Variants in PAPPA2 observed in about 807,000 individuals in gnomAD.
The protein encoded by PAPPA2 is pappalysin 2, also known as pappalysin-2.
A neutral mutation model predicts 176.4 loss-of-function variants in PAPPA2; 86 were observed. The ratio of observed to expected loss-of-function variants is 0.49; its 90% confidence interval spans 0.41 to 0.58. PAPPA2 has a LOEUF of 0.58. Ranked by LOEUF, PAPPA2 falls within the 20% of genes least tolerant of loss-of-function variation. PAPPA2 has a pLI of 0.00. For missense variants in PAPPA2, 2,073 were observed against 2,256.9 expected, an observed-to-expected ratio of 0.92 and a Z score of 1.65; for synonymous variants, 809 against 852.2, an observed-to-expected ratio of 0.95 and a Z score of 0.88.
At chr1:176,679,546 G>A (rs1005402625) in intron 4 of PAPPA2, among the ~76,000 whole-genome samples, 2 of 152,156 alleles carry the variant, frequency 1.3e-5, no homozygotes, top group Admixed American at 6.6e-5. Context: ...AATTCAATAA[G>A]CATAGGAGAC....
chr1:176,828,042 T>C (rs1292020877), intron 21 of PAPPA2, among the ~76,000 whole-genome samples: 1 of 151,966 alleles, frequency 6.6e-6, no homozygotes, highest in Non-Finnish European at 1.5e-5. Context: ...TACCAAGCAG[T>C]AGAGTGAGGC....
At chr1:176,599,348 G>A (rs1654171185) in intron 3 of PAPPA2, among the ~76,000 whole-genome samples, 1 of 151,904 alleles carries the variant, frequency 6.6e-6, no homozygotes, top group African/African-American at 2.4e-5. Flanking sequence ...GGACACTTAT[G>A]CCCCTGGTCT....
intron 3 of PAPPA2, among the ~76,000 whole-genome samples, chr1:176,606,181 T>A (rs1558468399): frequency 6.6e-6 from 1 of 152,094 alleles, no homozygotes. Flanking sequence ...TTTGATTATA[T>A]GTATTTTATA....
In PAPPA2 at chr1:176,840,106, G is replaced by A. The variant is rs569925923; in HGVS notation, c.5203-67G>A. ...CTGTATGGATTACGCTGGGATGGGA[G>A]GAGTGGCAGAGTCAAACAAGACATA... On this transcript the variant is annotated intron_variant, in intron 21 of 22. Coordinates refer to ENST00000367662, the MANE Select transcript of PAPPA2 (RefSeq NM_020318.3). 8.6e-5 allele frequency: 108 copies of A among 1,251,196 alleles called. No homozygotes were observed. In the African/African-American group the frequency reaches 1.4e-3, roughly 17 times the overall value. 77.5% of individuals were successfully genotyped at this position (1,251,196 alleles called of 1,614,324 possible). A position where few individuals can be genotyped will look rare whatever the true frequency, so the allele number is the denominator to read the frequency against.
intron 2 of PAPPA2, among the ~76,000 whole-genome samples, chr1:176,583,852 T>G (rs1653128238): frequency 6.6e-6 from 1 of 152,152 alleles, no homozygotes; most frequent in African/African-American, 2.4e-5. Flanking sequence ...CCCAAGAGTT[T>G]GAGACCAGCC....
At chr1:176,761,537 GA>G (rs1247295375) in intron 14 of PAPPA2, among the ~76,000 whole-genome samples, 1 of 152,192 alleles carries the variant, frequency 6.6e-6, no homozygotes, top group African/African-American at 2.4e-5. Flanking sequence ...ATTTAAAAGA[GA>G]ACTGCTCAAA....
chr1:176,765,748 A>G lies in PAPPA2; in HGVS notation c.4234A>G (p.Ile1412Val), dbSNP rs1663935192. ...TGCTGATGTGGTGAACTGTACCTCT[A>G]TAGGCCCAGGTCTCATGAAGTGTGC... ...DHADVVNCTS[I>V]GPGLMKCAIT... The change falls in exon 15 of 23, where the codon ATA becomes GTA. Residue 1412 changes from isoleucine to valine, a missense_variant. This residue lies in a region of PAPPA2 where 846 missense variants were observed against 857.9 expected (regional missense o/e 0.99). Coordinates refer to ENST00000367662, the MANE Select transcript of PAPPA2 (RefSeq NM_020318.3). 3.1e-6 allele frequency: 5 copies of G among 1,614,126 alleles called. No individual in the cohort carries two copies. The highest frequency in any genetic ancestry group is 1.6e-4 in the Middle Eastern group (1 of 6,062).
chr1:176,819,830 T>A (rs1356058660), intron 21 of PAPPA2, among the ~76,000 whole-genome samples: 16 of 152,224 alleles, frequency 1.1e-4, no homozygotes, highest in African/African-American at 3.6e-4. Context: ...GCACTTTCAG[T>A]GCAGTCCAGC....
intron 21 of PAPPA2, among the ~76,000 whole-genome samples, chr1:176,809,850 A>ACC (rs1666066666): frequency 6.6e-6 from 1 of 151,930 alleles, no homozygotes; most frequent in African/African-American, 2.4e-5. Flanking sequence ...TTGCCCGAGG[A>ACC]ATAGTGGCAA....
At chr1:176,590,868 C>G (rs986577439) in intron 2 of PAPPA2, among the ~76,000 whole-genome samples, 1 of 152,048 alleles carries the variant, frequency 6.6e-6, no homozygotes. Context: ...TATCTTGGTT[C>G]TAGTGCACTC....
intron 12 of PAPPA2, among the ~76,000 whole-genome samples, chr1:176,733,607 C>T (rs1042356877): frequency 7.9e-5 from 12 of 152,106 alleles, no homozygotes; most frequent in South Asian, 2.1e-4. Flanking sequence ...TTTTTATCCA[C>T]GATAGAATCC....
At chr1:176,634,830 ATAG>A (rs1656578351) in intron 3 of PAPPA2, among the ~76,000 whole-genome samples, 2 of 143,406 alleles carry the variant, frequency 1.4e-5, no homozygotes, top group Non-Finnish European at 3.1e-5. Context: ...AGATAGATAG[ATAG>A]ATAGATAGAT....
chr1:176,710,187 C>A lies in PAPPA2; in HGVS notation c.3651+11C>A. 6 of 1,611,488 alleles carry A rather than the reference C, an allele frequency of 3.7e-6. No individual in the cohort carries two copies. The highest frequency in any genetic ancestry group is 5.1e-6 in the Non-Finnish European group (6 of 1,178,536). On this transcript the variant is annotated intron_variant, in intron 11 of 22. Transcript: ENST00000367662. ...GAACCTCATTCCCTAGTAAGTTAAGCCAGATGAATAGAGTCGAGCCTGCGC... is the reference window on the plus strand; with the variant it reads ...GAACCTCATTCCCTAGTAAGTTAAGACAGATGAATAGAGTCGAGCCTGCGC...
chr1:176,508,849 C>T (rs1254803263), intron 1 of PAPPA2, among the ~76,000 whole-genome samples: 2 of 152,056 alleles, frequency 1.3e-5, no homozygotes, highest in Non-Finnish European at 2.9e-5. Flanking sequence ...CCTTGCTTCC[C>T]CATCATCTTC....
chr1:176,553,462 G>T (rs763329244), intron 1 of PAPPA2: 2 of 152,090 alleles, frequency 1.3e-5, no homozygotes, highest in Non-Finnish European at 2.9e-5. Flanking sequence ...GTTACAACAG[G>T]AGGAAAACAC....
intron 2 of PAPPA2, among the ~76,000 whole-genome samples, chr1:176,576,113 A>G (rs1162184317): frequency 6.7e-6 from 1 of 148,906 alleles, no homozygotes; most frequent in Non-Finnish European, 1.5e-5. Flanking sequence ...GTGAAATTAC[A>G]GGGCTGGAGC....
chr1:176,493,268 C>T (rs1450194082), intron 1 of PAPPA2, among the ~76,000 whole-genome samples: 1 of 152,206 alleles, frequency 6.6e-6, no homozygotes, highest in Non-Finnish European at 1.5e-5. Context: ...ATCTGATTTT[C>T]AAGGGCAATC....
intron 1 of PAPPA2, among the ~76,000 whole-genome samples, chr1:176,508,494 T>TAATA (rs1314060753): frequency 1.3e-5 from 2 of 152,022 alleles, no homozygotes; most frequent in African/African-American, 4.8e-5. Flanking sequence ...TGCATGGAAT[T>TAATA]AATAGCCAAT....
In PAPPA2 at chr1:176,561,379, G is replaced by T. The variant is rs963241317; in HGVS notation, c.919+4138G>T. Among the ~76,000 whole-genome samples, 3 of 152,200 alleles carry T rather than the reference G, an allele frequency of 2.0e-5. No individual in the cohort carries two copies. In the South Asian group the frequency reaches 6.2e-4, roughly 32 times the overall value. On this transcript the variant is annotated intron_variant, in intron 2 of 22. Coordinates refer to ENST00000367662, the MANE Select transcript of PAPPA2 (RefSeq NM_020318.3). ...GGCCTGGCAGGAGCTAACAGTGGGA[G>T]GCAATCATTACTGGGAGCAGCACGT...
Sources: allele counts gnomAD v4.1 joint callset (sites outside exome capture counted in the v4.1 genomes callset), GRCh38; gene constraint gnomAD v4.1.1; regional missense constraint gnomAD v4.1.1; transcripts MANE v1.5; gene names NCBI Gene and HGNC (gene_info 2026-07-23, HGNC 2026-07-21).